IGF2R: variants seen among roughly 807,000 people sequenced by gnomAD.
The protein encoded by IGF2R is insulin like growth factor 2 receptor, also known as cation-independent mannose-6-phosphate receptor.
IGF2R carries 91 observed loss-of-function variants against 270.6 expected under a neutral mutation model. That is an observed-to-expected ratio of 0.34 (90% CI 0.28 to 0.40). The LOEUF (loss-of-function observed/expected upper bound fraction) is 0.40, where lower values mean the gene tolerates loss of function less well. Among genes scored for constraint, IGF2R ranks in the 10% least tolerant of loss-of-function variants. IGF2R has a pLI of 1.00. For missense variants in IGF2R, 2,805 were observed against 3,188.3 expected, an observed-to-expected ratio of 0.88 and a Z score of 2.90; for synonymous variants, 1,316 against 1,258.9, an observed-to-expected ratio of 1.05 and a Z score of -0.96.
chr6:159,996,058 A>C (rs960910538), intron 2 of IGF2R, among the ~76,000 whole-genome samples: 1 of 151,214 alleles, frequency 6.6e-6, no homozygotes, highest in Non-Finnish European at 1.5e-5. Context: ...GTTTGACTTC[A>C]GTTCTGGGTA....
At chr6:160,027,009 C>T (rs530248981) in intron 5 of IGF2R, among the ~76,000 whole-genome samples, 176 bp from the exon 6 acceptor site, 31 of 152,292 alleles carry the variant, frequency 2.0e-4, no homozygotes, top group Admixed American at 3.9e-4. Context: ...ACTTTACAGT[C>T]CTTCATCCTG....
rs1162597181 is a variant in IGF2R, at chr6:160,104,003, G to A, written c.7065+188G>A. Among the ~76,000 whole-genome samples, 3 of 151,762 alleles carry A rather than the reference G, an allele frequency of 2.0e-5. No homozygotes were observed. The East Asian group carries it at 5.8e-4, about 29-fold the overall frequency. On this transcript the variant is annotated intron_variant, in intron 47 of 47. Transcript: ENST00000356956. ...TTTTTTTGTTATTTTTTTCCCTCAA[G>A]TTTCTCTCGTGGTTACAACTGATTT...
At chr6:159,997,676 C>T (rs910858373) in intron 2 of IGF2R, among the ~76,000 whole-genome samples, 1 of 152,134 alleles carries the variant, frequency 6.6e-6, no homozygotes, top group African/African-American at 2.4e-5. Context: ...TTTTTGCCCT[C>T]GTTTCATCCC....
intron 6 of IGF2R, 113 bp downstream of exon 6, chr6:160,027,427 A>G: frequency 8.3e-7 from 1 of 1,201,458 alleles, no homozygotes; most frequent in Non-Finnish European, 1.1e-6. Context: ...TCCCTGCAGC[A>G]TTGCTGCTTC....
chr6:160,061,126 C>G (rs1343438745), intron 23 of IGF2R, among the ~76,000 whole-genome samples: 1 of 152,190 alleles, frequency 6.6e-6, no homozygotes, highest in Non-Finnish European at 1.5e-5. Context: ...GGGATTGACC[C>G]TGCCTGCTCT....
At position 160,032,539 on chromosome 6, in the gene IGF2R, T is replaced by TG. The variant is rs1263144978; in HGVS notation, c.883-11dup. The TG allele has an allele frequency of 1.2e-6, 2 of 1,609,498 alleles. No individual in the cohort carries two copies. Among genetic ancestry groups the TG allele is most frequent in the Admixed American group, 3.4e-5 (2 of 59,298 alleles). ...ATTTTTTATTTTGCTTCTTTCACAT[T>TG]GTTCCTGATAGGGCACCATTCCCAA... On this transcript the variant is annotated splice_polypyrimidine_tract_variant and intron_variant, in intron 7 of 47. Coordinates refer to ENST00000356956, the MANE Select transcript of IGF2R (RefSeq NM_000876.4).
Position 160,036,994 on chromosome 6 carries a change from A to G in IGF2R, c.1315+2472A>G, listed in dbSNP as rs952984976. On this transcript the variant is annotated intron_variant, in intron 10 of 47. Coordinates refer to ENST00000356956, the MANE Select transcript of IGF2R (RefSeq NM_000876.4). ...CTTTTCATTATAAAAATTTTCAAACATGGAACATTAAAACAGAAATTTACA... is the reference window on the plus strand; with the variant it reads ...CTTTTCATTATAAAAATTTTCAAACGTGGAACATTAAAACAGAAATTTACA... Among the ~76,000 whole-genome samples, 7 of 152,110 alleles carry G rather than the reference A, an allele frequency of 4.6e-5. No individual in the cohort carries two copies. The East Asian group carries it at 1.3e-3, about 29-fold the overall frequency.
chr6:160,026,786 T>G (rs1777569510), intron 5 of IGF2R, among the ~76,000 whole-genome samples: 1 of 152,218 alleles, frequency 6.6e-6, no homozygotes, highest in African/African-American at 2.4e-5. Context: ...AGTGGTCGAT[T>G]TAGGATTTGA....
chr6:159,983,925 G>A (rs1376189934), intron 1 of IGF2R, among the ~76,000 whole-genome samples: 3 of 152,204 alleles, frequency 2.0e-5, no homozygotes, highest in Non-Finnish European at 4.4e-5. Context: ...GTTGTGGAAG[G>A]CAATGCTCTG....
chr6:159,981,393 T>C (rs941252211), intron 1 of IGF2R, among the ~76,000 whole-genome samples: 1 of 152,062 alleles, frequency 6.6e-6, no homozygotes, highest in Non-Finnish European at 1.5e-5. Context: ...CTTCATCAGC[T>C]CCTAGGAGAT....
chr6:160,076,076 A>G (rs1778849534), intron 36 of IGF2R, 80 bp downstream of exon 36: 7 of 1,325,326 alleles, frequency 5.3e-6, no homozygotes, highest in Non-Finnish European at 7.5e-6. Flanking sequence ...AGTGCGTGTC[A>G]GGTCCAAGGA....
intron 16 of IGF2R, 42 bp downstream of exon 16, chr6:160,047,378 A>C: frequency 1.7e-4 from 251 of 1,488,688 alleles, no homozygotes; most frequent in Non-Finnish European, 2.0e-4. Flanking sequence ...GAGGATACTC[A>C]TGCCTGTGGT....
chr6:160,015,794 C>T (rs1777277519), intron 4 of IGF2R, among the ~76,000 whole-genome samples: 3 of 152,218 alleles, frequency 2.0e-5, no homozygotes, highest in Admixed American at 6.5e-5. Flanking sequence ...GGGGGTCCCT[C>T]ATGAATGGTC....
At position 160,103,748 on chromosome 6, in the gene IGF2R, A is replaced by T; in HGVS notation, c.6998A>T (p.Glu2333Val). The T allele has an allele frequency of 6.2e-7, 1 of 1,606,558 alleles. No individual in the cohort carries two copies. The highest frequency in any genetic ancestry group is 8.5e-7 in the Non-Finnish European group (1 of 1,173,356). Residue 2333 changes from glutamate to valine, a missense_variant and splice_region_variant, in exon 47 of 48, where the codon GAA (glutamate) becomes GTA (valine). Physicochemically the swap from Glu to Val is moderately radical, Grantham distance 121. Coordinates refer to ENST00000356956, the MANE Select transcript of IGF2R (RefSeq NM_000876.4). The stretch of plus-strand genomic sequence containing the variant: ...TATTGTCTCCTTTTTTTTTATAGGG[A>T]AACAGTGATAAGTAAGCTGACCACT... Reference protein sequence around the residue: ...ALLLYKKERRETVISKLTTCC... With the variant: ...ALLLYKKERRVTVISKLTTCC...
At chr6:159,991,070 G>C in intron 1 of IGF2R, 114 bp from the exon 2 acceptor site, 1 of 1,001,838 alleles carries the variant, frequency 1.0e-6, no homozygotes, top group East Asian at 2.5e-5. Flanking sequence ...GCTAAGGAAA[G>C]TGTATTTTCT....
rs2777355 is a variant in IGF2R at position 160,084,499 on chromosome 6, G to A, written c.6068+315G>A. Reference sequence around the variant, plus strand: ...GTGTGTAGCTCAGGTTGTGGGAGGCGTGTGGGTTTTCTCGGGTCTTTGGCA... The same window carrying A: ...GTGTGTAGCTCAGGTTGTGGGAGGCATGTGGGTTTTCTCGGGTCTTTGGCA... On this transcript the variant is annotated intron_variant, in intron 40 of 47. Transcript: ENST00000356956. The surrounding 1 kb of genome is among the most constrained non-coding windows in gnomAD (Gnocchi z 4.6). 0.036 allele frequency among the ~76,000 whole-genome samples: 5,508 copies of A among 152,238 alleles called. 166 individuals carry two copies. Among genetic ancestry groups the A allele is most frequent in the East Asian group, 0.096 (497 of 5,160 alleles).
At chr6:159,970,400 G>A (rs1334209687) in intron 1 of IGF2R, among the ~76,000 whole-genome samples, 1 of 152,140 alleles carries the variant, frequency 6.6e-6, no homozygotes, top group Non-Finnish European at 1.5e-5. Flanking sequence ...GTGAAACAAA[G>A]TTGAGCCTAC....
At chr6:160,065,776 A>ATGTGTG (rs1366588708) in intron 29 of IGF2R, among the ~76,000 whole-genome samples, 157 of 109,816 alleles carry the variant, frequency 1.4e-3, no homozygotes, top group Middle Eastern at 4.6e-3. Context: ...TCCTAGAGAT[A>ATGTGTG]TGTGTATGTG....
At chr6:160,094,344 C>G (rs1779299337) in intron 44 of IGF2R, 1 of 260,644 alleles carries the variant, frequency 3.8e-6, no homozygotes, top group Non-Finnish European at 7.6e-6. Context: ...AAAGCTCTTT[C>G]ACTGGATGTA....
Sources: allele counts gnomAD v4.1 joint callset (sites outside exome capture counted in the v4.1 genomes callset), GRCh38; gene constraint gnomAD v4.1.1; non-coding constraint Gnocchi (gnomAD v3.1); transcripts MANE v1.5; gene names NCBI Gene and HGNC (gene_info 2026-07-23, HGNC 2026-07-21).